The following SLC35D4 variants were observed in gnomAD, a reference collection of about 807,000 sequenced individuals.
SLC35D4 encodes solute carrier family 35 member D4.
chr18:23,425,326 C>T, the SLC35D4 span, among the ~76,000 whole-genome samples: 1 of 152,266 alleles, frequency 6.6e-6, no homozygotes, highest in South Asian at 2.1e-4. Flanking sequence ...GTCTCAAACT[C>T]CTGGCCTCAA....
At chr18:23,383,065 C>G in the SLC35D4 span, among the ~76,000 whole-genome samples, 4 of 152,076 alleles carry the variant, frequency 2.6e-5, no homozygotes, top group Non-Finnish European at 4.4e-5. Context: ...TTGGGGCTAC[C>G]AAGTGAGAAG....
the SLC35D4 span, among the ~76,000 whole-genome samples, chr18:23,397,270 T>C: frequency 6.6e-6 from 1 of 152,298 alleles, no homozygotes; most frequent in East Asian, 1.9e-4. Flanking sequence ...AATTCCAACC[T>C]TGTGGTCAGT....
the SLC35D4 span, among the ~76,000 whole-genome samples, chr18:23,402,856 C>T: frequency 1.3e-5 from 2 of 152,022 alleles, no homozygotes; most frequent in African/African-American, 2.4e-5. Flanking sequence ...CCTGTAATCC[C>T]AGCACTTTGG....
At chr18:23,257,386 C>G in the SLC35D4 span, 2 of 1,569,838 alleles carry the variant, frequency 1.3e-6, no homozygotes, top group South Asian at 2.4e-5. Flanking sequence ...CCGAGGACAG[C>G]CAAGGGCCAT....
chr18:23,261,220 T>C, the SLC35D4 span, among the ~76,000 whole-genome samples: 1 of 152,158 alleles, frequency 6.6e-6, no homozygotes, highest in Non-Finnish European at 1.5e-5. Flanking sequence ...TCCCAGCTAC[T>C]CAGGAAGCTA....
chr18:23,423,480 A>C, the SLC35D4 span, among the ~76,000 whole-genome samples: 11 of 152,244 alleles, frequency 7.2e-5, no homozygotes, highest in Admixed American at 3.3e-4. Context: ...TCTAGCCAGT[A>C]GAAGCCAGGG....
At chr18:23,418,352 T>A in the SLC35D4 span, among the ~76,000 whole-genome samples, 2,296 of 133,910 alleles carry the variant, frequency 0.017, 72 homozygotes, top group African/African-American at 0.075. Flanking sequence ...AAGCCAAAAT[T>A]ATTATTATTA....
chr18:23,399,667 G>A, the SLC35D4 span: 1 of 1,612,600 alleles, frequency 6.2e-7, no homozygotes. Flanking sequence ...GGGGAAAAAA[G>A]CAATAACACT....
the SLC35D4 span, among the ~76,000 whole-genome samples, chr18:23,419,212 C>G: frequency 6.6e-6 from 1 of 152,128 alleles, no homozygotes; most frequent in South Asian, 2.1e-4. Context: ...AGGAGGATAT[C>G]TAGGTGAGGC....
the SLC35D4 span, among the ~76,000 whole-genome samples, chr18:23,375,282 T>C: frequency 6.6e-6 from 1 of 152,066 alleles, no homozygotes; most frequent in Non-Finnish European, 1.5e-5. Context: ...TAAGGGATGG[T>C]TGTTTTTAGG....
At chr18:23,330,868 C>T in the SLC35D4 span, among the ~76,000 whole-genome samples, 1 of 152,188 alleles carries the variant, frequency 6.6e-6, no homozygotes, top group Admixed American at 6.5e-5. Flanking sequence ...CCCTGGGAGA[C>T]TGCTTACCAC....
At chr18:23,321,972 G>A in the SLC35D4 span, among the ~76,000 whole-genome samples, 41 of 152,300 alleles carry the variant, frequency 2.7e-4, no homozygotes, top group Non-Finnish European at 7.3e-5. Context: ...GGCTGGAGGC[G>A]AGAGGAATAT....
the SLC35D4 span, among the ~76,000 whole-genome samples, chr18:23,308,876 C>CTCTCTCTCTCTCTGTG: frequency 4.3e-5 from 6 of 140,104 alleles, no homozygotes; most frequent in Non-Finnish European, 1.5e-5. Flanking sequence ...CTCTCTCTCT[C>CTCTCTCTCTCTCTGTG]TGTGTGTGTG....
chr18:23,398,510 C>T, the SLC35D4 span, among the ~76,000 whole-genome samples: 1 of 152,180 alleles, frequency 6.6e-6, no homozygotes, highest in African/African-American at 2.4e-5. Context: ...GGGCAAGCCT[C>T]GTGGTCTGAG....
the SLC35D4 span, among the ~76,000 whole-genome samples, chr18:23,274,506 T>C: frequency 2.0e-5 from 3 of 152,328 alleles, no homozygotes; most frequent in Non-Finnish European, 4.4e-5. Flanking sequence ...TGGTCAAATA[T>C]TGCCTGAGTT....
chr18:23,324,482 G>A, the SLC35D4 span, among the ~76,000 whole-genome samples: 1 of 152,210 alleles, frequency 6.6e-6, no homozygotes, highest in Non-Finnish European at 1.5e-5. Flanking sequence ...AAGGAAAAGG[G>A]CTTTGGGTTT....
At chr18:23,411,156 G>A in the SLC35D4 span, among the ~76,000 whole-genome samples, 1 of 142,760 alleles carries the variant, frequency 7.0e-6, no homozygotes, top group Non-Finnish European at 1.5e-5. Context: ...AGGAAGGAAG[G>A]AGGGAAGGAG....
the SLC35D4 span, among the ~76,000 whole-genome samples, chr18:23,393,401 T>C: frequency 4.6e-5 from 7 of 152,102 alleles, no homozygotes; most frequent in African/African-American, 1.7e-4. Context: ...CATTAAACAC[T>C]ATCTCTTCAT....
the SLC35D4 span, among the ~76,000 whole-genome samples, chr18:23,249,122 T>C: frequency 2.0e-5 from 3 of 152,258 alleles, no homozygotes; most frequent in African/African-American, 7.2e-5. Context: ...CCTGAGCCTC[T>C]TGGCAGCAGA....
Sources: gnomAD v4.1 joint callset for allele counts (sites outside exome capture counted in the v4.1 genomes callset) on GRCh38, gnomAD v4.1.1 for gene constraint, MANE v1.5 for transcripts, NCBI Gene and HGNC (gene_info 2026-07-23, HGNC 2026-07-21) for gene names.